Variants in TMEM238L observed in about 807,000 individuals in gnomAD.
The protein encoded by TMEM238L is transmembrane protein 238-like.
At chr17:10,798,402 T>C (rs772110267) in intron 1 of TMEM238L, among the ~76,000 whole-genome samples, 9 of 152,170 alleles carry the variant, frequency 5.9e-5, no homozygotes, top group Non-Finnish European at 1.0e-4. Flanking sequence ...CATGTCTGCA[T>C]GGGGCACAGA....
chr17:10,800,025 G>A (rs543380882), intron 1 of TMEM238L, among the ~76,000 whole-genome samples: 2 of 151,384 alleles, frequency 1.3e-5, no homozygotes, highest in Non-Finnish European at 2.9e-5. Context: ...TCCGCCTCCC[G>A]GGTCCACGCC....
intron 1 of TMEM238L, chr17:10,802,394 T>C (rs562203389): frequency 1.6e-4 from 24 of 152,320 alleles, no homozygotes; most frequent in African/African-American, 5.8e-4. Flanking sequence ...CTCTTCATCT[T>C]ACAGATGAGA....
chr17:10,797,197 C>T (rs1904577734), intron 1 of TMEM238L, among the ~76,000 whole-genome samples: 2 of 150,240 alleles, frequency 1.3e-5, no homozygotes, highest in Admixed American at 6.7e-5. Context: ...CCTCCATACA[C>T]CTTATTATCG....
intron 1 of TMEM238L, among the ~76,000 whole-genome samples, chr17:10,798,449 C>T (rs924605236): frequency 6.6e-6 from 1 of 152,318 alleles, no homozygotes; most frequent in African/African-American, 2.4e-5. Context: ...TTACCAGGCT[C>T]ACCTTTGAGC....
chr17:10,800,623 G>T (rs1237483595), intron 1 of TMEM238L, among the ~76,000 whole-genome samples: 1 of 152,186 alleles, frequency 6.6e-6, no homozygotes, highest in Non-Finnish European at 1.5e-5. Flanking sequence ...CACTTGCATA[G>T]TGCTGAACAA....
intron 1 of TMEM238L, among the ~76,000 whole-genome samples, chr17:10,799,406 C>A (rs944347080): frequency 6.6e-6 from 1 of 152,142 alleles, no homozygotes; most frequent in African/African-American, 2.4e-5. Flanking sequence ...CTATGTTGGC[C>A]AGGCTGGTCT....
intron 1 of TMEM238L, among the ~76,000 whole-genome samples, chr17:10,801,120 G>A (rs6503325): frequency 0.78 from 117,056 of 150,158 alleles, 46,849 homozygotes; most frequent in Non-Finnish European, 0.88. Flanking sequence ...GTGCGATCTC[G>A]GCTCACTGCA....
intron 1 of TMEM238L, among the ~76,000 whole-genome samples, 167 bp from the exon 2 acceptor site, chr17:10,796,115 A>G (rs1851601562): frequency 6.6e-6 from 1 of 152,262 alleles, no homozygotes. Context: ...CCCTGAAACC[A>G]CATGAGACTC....
At chr17:10,797,407 T>TCCCTC (rs1567609049) in intron 1 of TMEM238L, among the ~76,000 whole-genome samples, 3 of 47,650 alleles carry the variant, frequency 6.3e-5, no homozygotes, top group Admixed American at 2.6e-4. Flanking sequence ...CTCCCTCCCT[T>TCCCTC]CCTTCCTTCC....
intron 1 of TMEM238L, among the ~76,000 whole-genome samples, chr17:10,800,789 A>C (rs531214013): frequency 6.6e-6 from 1 of 152,326 alleles, no homozygotes; most frequent in South Asian, 2.1e-4. Context: ...GATTCAAGCC[A>C]GAGTCTAGGT....
At chr17:10,797,943 ACTC>A (rs992840847) in intron 1 of TMEM238L, 2 of 148,286 alleles carry the variant, frequency 1.3e-5, no homozygotes, top group African/African-American at 5.0e-5. Context: ...ACCACTGAAG[ACTC>A]CTCCCTCCTC....
intron 1 of TMEM238L, among the ~76,000 whole-genome samples, chr17:10,802,745 C>T (rs574003849): frequency 1.6e-4 from 24 of 152,318 alleles, no homozygotes; most frequent in African/African-American, 5.5e-4. Flanking sequence ...TGGACCGTGG[C>T]TCTGACTTCA....
In TMEM238L at chr17:10,796,475, T is replaced by G. The variant is rs112949681; in HGVS notation, c.*119-527A>C. Among the ~76,000 whole-genome samples, 1,411 of 152,342 alleles carry G rather than the reference T, an allele frequency of 9.3e-3. 28 individuals carry two copies. Among genetic ancestry groups the G allele is most frequent in the African/African-American group, 0.033 (1,356 of 41,574 alleles). On this transcript the variant is annotated intron_variant, in intron 1 of 1. Coordinates refer to ENST00000581851, the Ensembl canonical transcript of TMEM238L. ...ACCTTAGCACGGTTATGCCAGCAGG[T>G]GACTGCCCTACCCTCTTAATCTCAT... is the stretch of plus-strand genomic sequence containing the variant.
Position 10,797,085 on chromosome 17 carries a change from CT to C in TMEM238L, c.*119-1138del, listed in dbSNP as rs370257197. Reference sequence around the variant, plus strand: ...GCCCATAGGTTGTAGTTGCCTACCCCTGGTCTTATGGAAAGAGCATAAACCA... The same window carrying C: ...GCCCATAGGTTGTAGTTGCCTACCCCGGTCTTATGGAAAGAGCATAAACCA... On this transcript the variant is annotated intron_variant, in intron 1 of 1. Coordinates refer to ENST00000581851, the Ensembl canonical transcript of TMEM238L. 2.4e-4 allele frequency among the ~76,000 whole-genome samples: 36 copies of C among 152,294 alleles called. 1 individual carries two copies. In the East Asian group the frequency reaches 5.4e-3, roughly 23 times the overall value.
chr17:10,798,122 G>A lies in TMEM238L; in HGVS notation c.*119-2174C>T, dbSNP rs115996775. On this transcript the variant is annotated intron_variant, in intron 1 of 1. Coordinates refer to ENST00000581851, the Ensembl canonical transcript of TMEM238L. ...GACTGCCCCCTACCCACCACCCACG[G>A]CTGCTGTCCCTGTGCCATCTCTACT... 5.2e-3 allele frequency among the ~76,000 whole-genome samples: 795 copies of A among 151,852 alleles called. 5 individuals are homozygous for A. The highest frequency in any genetic ancestry group is 0.018 in the African/African-American group (761 of 41,424).
chr17:10,799,159 TGGGGCAGGGTG>T (rs1439912886), intron 1 of TMEM238L, among the ~76,000 whole-genome samples: 1 of 152,202 alleles, frequency 6.6e-6, no homozygotes, highest in Non-Finnish European at 1.5e-5. Context: ...TCCTCATCTC[TGGGGCAGGGTG>T]GGGGCAGGTC....
At chr17:10,799,542 G>A (rs7222161) in intron 1 of TMEM238L, among the ~76,000 whole-genome samples, 2 of 152,110 alleles carry the variant, frequency 1.3e-5, no homozygotes, top group African/African-American at 4.8e-5. Flanking sequence ...CTAGGAATGT[G>A]GGCATCAGCT....
At chr17:10,800,000 C>G (rs973524883) in intron 1 of TMEM238L, among the ~76,000 whole-genome samples, 6 of 151,156 alleles carry the variant, frequency 4.0e-5, no homozygotes, top group Admixed American at 6.6e-5. Context: ...GGCGTGATCT[C>G]GGCTCACTGC....
At chr17:10,797,402 T>G (rs1370083419) in intron 1 of TMEM238L, among the ~76,000 whole-genome samples, 1 of 32,436 alleles carries the variant, frequency 3.1e-5, no homozygotes, top group Non-Finnish European at 5.0e-5. Flanking sequence ...CCTCCCTCCC[T>G]CCCTTCCTTC....
Sources: allele counts gnomAD v4.1 joint callset (sites outside exome capture counted in the v4.1 genomes callset), GRCh38; gene constraint gnomAD v4.1.1; transcripts MANE v1.5; gene names NCBI Gene and HGNC (gene_info 2026-07-23, HGNC 2026-07-21).